SLC9A9: variants seen among roughly 807,000 people sequenced by gnomAD.
SLC9A9 encodes sodium/hydrogen exchanger 9.
In SLC9A9, 62 loss-of-function variants were observed where a neutral mutation model predicts 77.8. The ratio of observed to expected loss-of-function variants is 0.80; its 90% CI spans 0.65 to 0.98. The LOEUF (loss-of-function observed/expected upper bound fraction) is 0.98. SLC9A9 is among the 50% of genes least tolerant of loss of function. SLC9A9 has a pLI of 0.00. For synonymous variants in SLC9A9, 320 were observed against 283.5 expected (o/e 1.13, Z -1.29); for missense variants, 775 against 774.9 (o/e 1.00, Z 0.00).
chr3:143,483,691 C>T (rs748698943), intron 11 of SLC9A9, among the ~76,000 whole-genome samples: 3 of 152,168 alleles, frequency 2.0e-5, no homozygotes, highest in Non-Finnish European at 4.4e-5. Flanking sequence ...TTATTAACTT[C>T]ACAGAGAATC....
At chr3:143,514,155 T>C (rs2036165610) in intron 9 of SLC9A9, among the ~76,000 whole-genome samples, 1 of 152,028 alleles carries the variant, frequency 6.6e-6, no homozygotes, top group Non-Finnish European at 1.5e-5. Context: ...TTCATCCATG[T>C]CCCTACAAAG....
chr3:143,578,778 T>A, intron 6 of SLC9A9, 55 bp from the exon 7 acceptor site: 1 of 1,608,644 alleles, frequency 6.2e-7, no homozygotes. Context: ...ATAGCCCAGA[T>A]AGGATTTCGC....
chr3:143,576,503 T>C (rs911834839), intron 7 of SLC9A9, among the ~76,000 whole-genome samples: 4 of 152,116 alleles, frequency 2.6e-5, no homozygotes, highest in Non-Finnish European at 5.9e-5. Flanking sequence ...AGGAGATGCA[T>C]AGAAAGGCTC....
chr3:143,483,842 C>A (rs1240707824), intron 11 of SLC9A9, among the ~76,000 whole-genome samples: 1 of 152,114 alleles, frequency 6.6e-6, no homozygotes, highest in Non-Finnish European at 1.5e-5. Context: ...GATCTTTGAA[C>A]CCCTGAGGTG....
chr3:143,364,722 G>A (rs2032853042), intron 13 of SLC9A9, among the ~76,000 whole-genome samples: 1 of 152,188 alleles, frequency 6.6e-6, no homozygotes, highest in South Asian at 2.1e-4. Flanking sequence ...AGAAAGCAAA[G>A]TGTGCTTCAC....
intron 9 of SLC9A9, among the ~76,000 whole-genome samples, chr3:143,541,391 A>C (rs2036687507): frequency 6.6e-6 from 1 of 152,200 alleles, no homozygotes; most frequent in Non-Finnish European, 1.5e-5. Context: ...ACCTTGAGAC[A>C]CGGAAGCCCT....
At chr3:143,272,751 T>G (rs1172106338) in intron 14 of SLC9A9, among the ~76,000 whole-genome samples, 1 of 152,034 alleles carries the variant, frequency 6.6e-6, no homozygotes, top group Non-Finnish European at 1.5e-5. Context: ...GGGAGGGAGG[T>G]TCCCCATTGG....
chr3:143,828,805 A>G lies in SLC9A9; in HGVS notation c.378+3214T>C, dbSNP rs145088397. Among the ~76,000 whole-genome samples the G allele has an allele frequency of 2.4e-3, 363 of 152,354 alleles. 1 individual carries two copies. The highest frequency in any genetic ancestry group is 8.0e-3 in the African/African-American group (331 of 41,588). On this transcript the variant is annotated intron_variant, in intron 2 of 15. Transcript: ENST00000316549. ...TGAGTGAACAAAATAAGGGGCTGGT[A>G]GATCTGCAGCAGTGGATGTGAAGTA...
intron 8 of SLC9A9, among the ~76,000 whole-genome samples, chr3:143,563,443 G>T (rs1410115324): frequency 2.0e-5 from 3 of 152,138 alleles, no homozygotes; most frequent in Non-Finnish European, 2.9e-5. Flanking sequence ...GTGCAATACT[G>T]GGAGTCAGAA....
At chr3:143,552,229 C>T (rs2036901256) in intron 9 of SLC9A9, 133 bp downstream of exon 9, 2 of 635,772 alleles carry the variant, frequency 3.1e-6, no homozygotes, top group Non-Finnish European at 5.2e-6. Context: ...TATAAATATC[C>T]AACTCGTAAT....
intron 8 of SLC9A9, among the ~76,000 whole-genome samples, chr3:143,572,355 A>T (rs1247898026): frequency 6.6e-6 from 1 of 151,980 alleles, no homozygotes; most frequent in East Asian, 1.9e-4. Flanking sequence ...CCAACAGTAG[A>T]TTAAAAAATA....
chr3:143,713,887 T>C (rs1934262515), intron 4 of SLC9A9, among the ~76,000 whole-genome samples: 1 of 152,132 alleles, frequency 6.6e-6, no homozygotes, highest in Non-Finnish European at 1.5e-5. Context: ...AATGTATAAT[T>C]AACAATATTT....
chr3:143,302,228 C>T (rs899767231), intron 14 of SLC9A9, among the ~76,000 whole-genome samples: 1 of 152,104 alleles, frequency 6.6e-6, no homozygotes, highest in Non-Finnish European at 1.5e-5. Flanking sequence ...GAGGCATCAG[C>T]CCCCATTTCC....
chr3:143,615,174 T>C (rs753363792), intron 6 of SLC9A9, among the ~76,000 whole-genome samples: 11 of 152,110 alleles, frequency 7.2e-5, no homozygotes, highest in Non-Finnish European at 1.6e-4. Context: ...AGAATGATAA[T>C]CCCAAGTGCA....
intron 4 of SLC9A9, among the ~76,000 whole-genome samples, chr3:143,746,804 A>T (rs1935207654): frequency 1.3e-5 from 2 of 152,198 alleles, no homozygotes; most frequent in Admixed American, 1.3e-4. Context: ...TTGCTTTCTC[A>T]GTCATTTGCT....
chr3:143,528,906 T>C (rs1268999699), intron 9 of SLC9A9, among the ~76,000 whole-genome samples: 2 of 152,214 alleles, frequency 1.3e-5, no homozygotes, highest in Non-Finnish European at 2.9e-5. Context: ...TGATTGATCT[T>C]CATGACTTAT....
At chr3:143,392,821 T>G (rs2033605088) in intron 12 of SLC9A9, among the ~76,000 whole-genome samples, 1 of 152,096 alleles carries the variant, frequency 6.6e-6, no homozygotes, top group Non-Finnish European at 1.5e-5. Context: ...TAAAACAGAC[T>G]TTAAACCAAC....
Position 143,620,075 on chromosome 3 carries a change from G to C in SLC9A9, c.755+32180C>G, listed in dbSNP as rs1205681373. 2.6e-5 allele frequency among the ~76,000 whole-genome samples: 4 copies of C among 152,146 alleles called. No homozygotes were observed. The East Asian group carries it at 7.7e-4, about 29-fold the overall frequency. ...AGAGGCTGAGAGAATCCTTCTTCTG[G>C]TAGCCCCTGCCTCCATGAGTGATGC... is the stretch of plus-strand genomic sequence containing the variant. On this transcript the variant is annotated intron_variant, in intron 6 of 15. Transcript: ENST00000316549.
chr3:143,401,624 T>A lies in SLC9A9; in HGVS notation c.1470-19510A>T, dbSNP rs1242044998. Among the ~76,000 whole-genome samples, 5 of 152,236 alleles carry A rather than the reference T, an allele frequency of 3.3e-5. No homozygotes were observed. In the East Asian group the frequency reaches 9.6e-4, roughly 29 times the overall value. ...TTTGTTTCCAGCCTTAATGTTAGAATTGTGTCTTTAAATGTTTCTCTAAGG... is the reference window on the plus strand; with the variant it reads ...TTTGTTTCCAGCCTTAATGTTAGAAATGTGTCTTTAAATGTTTCTCTAAGG... On this transcript the variant is annotated intron_variant, in intron 12 of 15. Coordinates refer to ENST00000316549, the MANE Select transcript of SLC9A9 (RefSeq NM_173653.4).
Sources: allele counts gnomAD v4.1 joint callset (sites outside exome capture counted in the v4.1 genomes callset), GRCh38; gene constraint gnomAD v4.1.1; transcripts MANE v1.5; gene names NCBI Gene and HGNC (gene_info 2026-07-23, HGNC 2026-07-21).